The following DBNL variants were observed in gnomAD, a reference collection of about 807,000 sequenced individuals.
DBNL encodes the protein drebrin-like protein.
DBNL carries 35 observed loss-of-function variants against 62.2 expected under a neutral mutation model. That is an observed-to-expected ratio of 0.56 (90% CI 0.43 to 0.75). DBNL has a LOEUF of 0.75. Among genes scored for constraint, DBNL ranks in the 30% least tolerant of loss-of-function variants. The pLI, the probability that DBNL is intolerant of heterozygous loss-of-function variation, is 0.00. For synonymous variants in DBNL, 197 were observed against 218.0 expected, an observed-to-expected ratio of 0.90 and a Z score of 0.85; for missense variants, 495 against 578.4, an observed-to-expected ratio of 0.86 and a Z score of 1.48.
rs2096158577 is a variant in DBNL at position 44,065,585 on chromosome 7, C to T, written c.*4669C>T. ...ACGGGGACGGCTGCTTCCCAACACT[C>T]CCAGCTTTATAATAGTGTCTTCCCA... is the stretch of plus-strand genomic sequence containing the variant. On this transcript the variant is annotated 3_prime_UTR_variant, in exon 13 of 13. Transcript: ENST00000448521. The T allele has an allele frequency of 2.0e-6, 3 of 1,533,222 alleles. No individual in the cohort carries two copies. Among genetic ancestry groups the T allele is most frequent in the South Asian group, 2.2e-5 (2 of 89,506 alleles). 95.0% of individuals were successfully genotyped at this position (1,533,222 alleles called of 1,614,324 possible). A position where few individuals can be genotyped will look rare whatever the true frequency, so the allele number is the denominator to read the frequency against.
Position 44,060,232 on chromosome 7 carries a change from A to G in DBNL, c.1153+79A>G. The stretch of plus-strand genomic sequence containing the variant: ...CAAGAGGGTCTGGGGTTTTATGGGA[A>G]GATGGCACCAGGGGGTATCAGGAAG... On this transcript the variant is annotated intron_variant, in intron 12 of 12. Transcript: ENST00000448521. The surrounding 1 kb of genome is among the most constrained non-coding windows in gnomAD (Gnocchi z 6.3). 1.5e-6 allele frequency: 2 copies of G among 1,302,640 alleles called. No individual in the cohort carries two copies. The highest frequency in any genetic ancestry group is 4.0e-5 in the Admixed American group (2 of 49,672). The allele number at this position is 1,302,640 out of a possible 1,614,324, so 80.7% of individuals were successfully genotyped here. A position where few individuals can be genotyped will look rare whatever the true frequency, so the allele number is the denominator to read the frequency against.
intron 2 of DBNL, 76 bp downstream of exon 2, chr7:44,050,356 G>C (rs973848230): frequency 1.9e-6 from 3 of 1,540,794 alleles, no homozygotes; most frequent in South Asian, 2.3e-5. Context: ...GCACTCAGCT[G>C]TCTTGGTCCA....
rs1416905505 is a variant in DBNL at position 44,062,697 on chromosome 7, T to C, written c.*1781T>C. On this transcript the variant is annotated 3_prime_UTR_variant, in exon 13 of 13. Transcript: ENST00000448521. The stretch of plus-strand genomic sequence containing the variant: ...CCCACAGCTGATGGCGGTGTGAGCC[T>C]GGCATGCACGGCTGCGCTGGACTCC... The C allele has an allele frequency of 5.8e-5, 90 of 1,545,118 alleles. No individual in the cohort carries two copies. Among genetic ancestry groups the C allele is most frequent in the Non-Finnish European group, 7.5e-5 (84 of 1,124,188 alleles).
rs1054445376 is a variant in DBNL, at chr7:44,060,996, C to A, written c.*80C>A. The A allele has an allele frequency of 7.8e-6, 12 of 1,531,722 alleles. No individual in the cohort carries two copies. Among genetic ancestry groups the A allele is most frequent in the Admixed American group, 5.8e-5 (3 of 51,484 alleles). 94.9% of individuals were successfully genotyped at this position (1,531,722 alleles called of 1,614,324 possible). On this transcript the variant is annotated 3_prime_UTR_variant, in exon 13 of 13. Coordinates refer to ENST00000448521, the MANE Select transcript of DBNL (RefSeq NM_001014436.3). This position sits in a 1 kb window ranked among gnomAD's most constrained non-coding sequence, Gnocchi z 6.3. ...AAGAGGAGGCCTGGGAGTTGACATTCAGCACTCTTCCAGGAATAGGACCCC... is the reference window on the plus strand; with the variant it reads ...AAGAGGAGGCCTGGGAGTTGACATTAAGCACTCTTCCAGGAATAGGACCCC...
At chr7:44,058,629 C>T in intron 8 of DBNL, 149 bp downstream of exon 8, 1 of 1,130,894 alleles carries the variant, frequency 8.8e-7, no homozygotes, top group East Asian at 2.6e-5. Context: ...CAAGAGGTGG[C>T]AGTAGAGAGG....
intron 1 of DBNL, among the ~76,000 whole-genome samples, chr7:44,048,067 C>T (rs1163945418): frequency 6.6e-6 from 1 of 152,286 alleles, no homozygotes; most frequent in East Asian, 1.9e-4. Context: ...CAGGCACCCA[C>T]CACCACACCC....
In DBNL at chr7:44,060,738, G is replaced by A; in HGVS notation, c.1154-39G>A. The A allele has an allele frequency of 6.2e-7, 1 of 1,600,804 alleles. No individual in the cohort carries two copies. The highest frequency in any genetic ancestry group is 8.5e-7 in the Non-Finnish European group (1 of 1,170,806). On this transcript the variant is annotated intron_variant, in intron 12 of 12. Coordinates refer to ENST00000448521, the MANE Select transcript of DBNL (RefSeq NM_001014436.3). This position sits in a 1 kb window ranked among gnomAD's most constrained non-coding sequence, Gnocchi z 6.3. ...TGCCCGAGCAGGTGGGATGTGGGAGGGAGCCCCTGATATGCATCTGGGCTC... is the reference window on the plus strand; with the variant it reads ...TGCCCGAGCAGGTGGGATGTGGGAGAGAGCCCCTGATATGCATCTGGGCTC...
chr7:44,047,003 CT>C (rs2096118450), intron 1 of DBNL, among the ~76,000 whole-genome samples: 1 of 152,198 alleles, frequency 6.6e-6, no homozygotes, highest in South Asian at 2.1e-4. Flanking sequence ...ATGGAGCACA[CT>C]TTTTCCACAT....
chr7:44,066,070 T>G lies in DBNL; in HGVS notation c.*5154T>G. 4.8e-6 allele frequency: 1 copy of G among 207,830 alleles called. No individual in the cohort carries two copies. Among genetic ancestry groups the G allele is most frequent in the Non-Finnish European group, 1.0e-5 (1 of 100,440 alleles). The allele number at this position is 207,830 out of a possible 1,614,324, so 12.9% of individuals were successfully genotyped here. On this transcript the variant is annotated 3_prime_UTR_variant, in exon 13 of 13. Coordinates refer to ENST00000448521, the MANE Select transcript of DBNL (RefSeq NM_001014436.3). ...AGCTTTGTGGAGAGGAGTCTGGCCT[T>G]GTGGAAGGTACCAGGCAGCAGCAGC...
Position 44,065,638 on chromosome 7 carries a change from A to C in DBNL, c.*4722A>C. On this transcript the variant is annotated 3_prime_UTR_variant, in exon 13 of 13. Transcript: ENST00000448521. Reference sequence around the variant, plus strand: ...CCCCACCCACCCCAGCCAACTGCCAATCAGCATTCCAGGCGGTGGCAGGTG... The same window carrying C: ...CCCCACCCACCCCAGCCAACTGCCACTCAGCATTCCAGGCGGTGGCAGGTG... 1 of 1,090,800 alleles carries C rather than the reference A, an allele frequency of 9.2e-7. No individual in the cohort carries two copies. Among genetic ancestry groups the C allele is most frequent in the Non-Finnish European group, 1.4e-6 (1 of 728,698 alleles). The allele number at this position is 1,090,800 out of a possible 1,614,324, so 67.6% of individuals were successfully genotyped here.
intron 4 of DBNL, 76 bp from the exon 5 acceptor site, chr7:44,056,681 C>A: frequency 6.3e-7 from 1 of 1,587,754 alleles, no homozygotes. Context: ...GTGGCCCGTG[C>A]TGTATGGACT....
At chr7:44,055,458 T>C (rs1304763262) in intron 4 of DBNL, among the ~76,000 whole-genome samples, 1 of 152,172 alleles carries the variant, frequency 6.6e-6, no homozygotes, top group African/African-American at 2.4e-5. Flanking sequence ...AGAGTAAGAC[T>C]CTGTCTCAGA....
rs1381874238 is a variant in DBNL, at chr7:44,050,320, TAGG to T, written c.139+44_139+46del. On this transcript the variant is annotated intron_variant, in intron 2 of 12. Transcript: ENST00000448521. Reference sequence around the variant, plus strand: ...AAATGGACTCAGGGACACCAGGAGGTAGGAGGGTGACGACGAGGGGTCAGCGCA... The same window carrying T: ...AAATGGACTCAGGGACACCAGGAGGTAGGGTGACGACGAGGGGTCAGCGCA... The T allele has an allele frequency of 3.1e-6, 5 of 1,610,254 alleles. No homozygotes were observed. In the Admixed American group the frequency reaches 5.0e-5, roughly 16 times the overall value.
rs1167637479 is a variant in DBNL at position 44,052,246 on chromosome 7, G to A, written c.252+304G>A. On this transcript the variant is annotated intron_variant, in intron 3 of 12. Transcript: ENST00000448521. ...GGTGGTTGTTCTGATGGAGTAGAGA[G>A]CCTGAGGGAGTGTTTAGGAGCCTGG... Among the ~76,000 whole-genome samples the A allele has an allele frequency of 1.1e-4, 16 of 152,236 alleles. No homozygotes were observed. The East Asian group carries it at 3.1e-3, about 29-fold the overall frequency.
chr7:44,045,041 TG>T (rs2096114457), intron 1 of DBNL, among the ~76,000 whole-genome samples: 1 of 152,086 alleles, frequency 6.6e-6, no homozygotes, highest in Admixed American at 6.5e-5. Context: ...AAACCCGGCT[TG>T]GGGGGACCCA....
At position 44,064,448 on chromosome 7, in the gene DBNL, C is replaced by A. The variant is rs79731102; in HGVS notation, c.*3532C>A. ...TACCAGGGGGAGCTCCCCACCACCC[C>A]GGAAAAGGGAGAGGCCCAGAGATGG... On this transcript the variant is annotated 3_prime_UTR_variant, in exon 13 of 13. Coordinates refer to ENST00000448521, the MANE Select transcript of DBNL (RefSeq NM_001014436.3). 1.9e-5 allele frequency: 6 copies of A among 313,624 alleles called. 1 individual carries two copies. The highest frequency in any genetic ancestry group is 1.8e-4 in the South Asian group (6 of 34,044). 19.4% of individuals were successfully genotyped at this position (313,624 alleles called of 1,614,324 possible).
intron 2 of DBNL, 86 bp downstream of exon 2, chr7:44,050,366 A>C: frequency 1.4e-6 from 2 of 1,450,144 alleles, no homozygotes; most frequent in Non-Finnish European, 1.9e-6. Context: ...GTCTTGGTCC[A>C]CTGAGCCACA....
Position 44,044,742 on chromosome 7 carries a change from C to T in DBNL, c.5C>T (p.Ala2Val), listed in dbSNP as rs753561968. The stretch of plus-strand genomic sequence containing the variant: ...GCGGAGACTGCGGGGCGGGCCATGG[C>T]GGCGAACCTGAGCCGGAACGGGCCA... M[A>V]ANLSRNGPAL... The change falls in exon 1 of 13, where the codon GCG becomes GTG. Residue 2 changes from alanine (A) to valine (V), a missense_variant. Transcript: ENST00000448521. 4.7e-6 allele frequency: 7 copies of T among 1,503,776 alleles called. No homozygotes were observed. Among genetic ancestry groups the T allele is most frequent in the East Asian group, 2.8e-5 (1 of 36,228 alleles). The allele number at this position is 1,503,776 out of a possible 1,614,324, so 93.2% of individuals were successfully genotyped here.
rs748611836 is a variant in DBNL, at chr7:44,059,498, A to G, written c.932-45A>G. ...GGACCCTGGGGGACAGCAGTGGAGA[A>G]GGGGGATGTGTGGGAGTGAGAACCT... On this transcript the variant is annotated intron_variant, in intron 10 of 12. Coordinates refer to ENST00000448521, the MANE Select transcript of DBNL (RefSeq NM_001014436.3). This position sits in a 1 kb window ranked among gnomAD's most constrained non-coding sequence, Gnocchi z 4.1. The G allele has an allele frequency of 1.2e-6, 2 of 1,613,440 alleles. No individual in the cohort carries two copies. Among genetic ancestry groups the G allele is most frequent in the East Asian group, 2.2e-5 (1 of 44,868 alleles).
Sources: gnomAD v4.1 joint callset for allele counts (sites outside exome capture counted in the v4.1 genomes callset) on GRCh38, gnomAD v4.1.1 for gene constraint, Gnocchi (gnomAD v3.1) non-coding constraint, MANE v1.5 for transcripts, NCBI Gene and HGNC (gene_info 2026-07-23, HGNC 2026-07-21) for gene names.